ZNF536: variants seen among roughly 807,000 people sequenced by gnomAD.
ZNF536 encodes the protein zinc finger protein 536.
Under a neutral mutation model 84.5 loss-of-function variants are expected in ZNF536, and 13 were observed. The ratio of observed to expected loss-of-function variants is 0.15; its 90% CI spans 0.10 to 0.24. ZNF536 has a LOEUF of 0.24. Among genes scored for constraint, ZNF536 ranks in the 10% least tolerant of loss-of-function variants. The pLI is 1.00. For synonymous variants in ZNF536, 811 were observed against 742.5 expected (o/e 1.09, Z -1.50); for missense variants, 1,536 against 1,747.5 (o/e 0.88, Z 2.16).
chr19:30,658,922 A>G (rs2050017776), intron 1 of ZNF536, among the ~76,000 whole-genome samples: 1 of 152,262 alleles, frequency 6.6e-6, no homozygotes, highest in African/African-American at 2.4e-5. Flanking sequence ...GTTGTTAGGT[A>G]CATAAGTAAA....
chr19:30,415,499 T>A (rs184491935), intron 1 of ZNF536, among the ~76,000 whole-genome samples: 1 of 151,714 alleles, frequency 6.6e-6, no homozygotes, highest in Non-Finnish European at 1.5e-5. Flanking sequence ...TTTCCAGAAA[T>A]TTTCCCATCA....
At chr19:30,294,500 A>G (rs2045936809) in intron 2 of ZNF536, among the ~76,000 whole-genome samples, 1 of 151,912 alleles carries the variant, frequency 6.6e-6, no homozygotes. Flanking sequence ...AGTATGGCAT[A>G]TGTGGGAATC....
At chr19:30,276,030 T>C (rs968241178) in intron 1 of ZNF536, among the ~76,000 whole-genome samples, 1 of 152,096 alleles carries the variant, frequency 6.6e-6, no homozygotes, top group African/African-American at 2.4e-5. Context: ...GAATTAATTG[T>C]AGGTTTGGGG....
At chr19:30,285,369 A>G (rs1268706687) in intron 2 of ZNF536, among the ~76,000 whole-genome samples, 3 of 152,196 alleles carry the variant, frequency 2.0e-5, no homozygotes, top group Non-Finnish European at 2.9e-5. Context: ...GTCAGGAGAA[A>G]GGTCCAACCA....
At chr19:30,525,272 G>C (rs2044526900) in intron 2 of ZNF536, among the ~76,000 whole-genome samples, 1 of 152,170 alleles carries the variant, frequency 6.6e-6, no homozygotes, top group South Asian at 2.1e-4. Context: ...TCCAACTCCA[G>C]CACCTGCATG....
chr19:30,651,613 A>G (rs545125046), intron 1 of ZNF536, among the ~76,000 whole-genome samples: 1 of 152,350 alleles, frequency 6.6e-6, no homozygotes, highest in Non-Finnish European at 1.5e-5. Context: ...AGACCCCAAA[A>G]GAAAACTTCC....
intron 1 of ZNF536, among the ~76,000 whole-genome samples, chr19:30,614,083 G>A (rs1477149285): frequency 2.0e-5 from 3 of 152,096 alleles, no homozygotes; most frequent in African/African-American, 7.2e-5. Flanking sequence ...GGCTAGTCTC[G>A]AACTCCTGAC....
chr19:30,353,606 G>A (rs968350265), intron 3 of ZNF536, among the ~76,000 whole-genome samples: 1 of 152,084 alleles, frequency 6.6e-6, no homozygotes, highest in Non-Finnish European at 1.5e-5. Flanking sequence ...TCCGGGCCCC[G>A]GGCTTCCAGA....
intron 1 of ZNF536, among the ~76,000 whole-genome samples, chr19:30,684,927 C>A (rs536392274): frequency 6.6e-6 from 1 of 152,230 alleles, no homozygotes; most frequent in African/African-American, 2.4e-5. Context: ...CCTACTGGGG[C>A]CACTTATGTT....
intron 1 of ZNF536, among the ~76,000 whole-genome samples, chr19:30,665,926 G>A (rs1371700545): frequency 6.6e-6 from 1 of 152,200 alleles, no homozygotes; most frequent in Non-Finnish European, 1.5e-5. Context: ...TGCATGGACA[G>A]GTGATTCCTG....
At chr19:30,499,509 T>C (rs1460342409) in intron 2 of ZNF536, among the ~76,000 whole-genome samples, 1 of 152,252 alleles carries the variant, frequency 6.6e-6, no homozygotes, top group Non-Finnish European at 1.5e-5. Context: ...TGTATCTGTC[T>C]ATGTATCCAT....
At chr19:30,273,620 G>A (rs1020696089) in intron 1 of ZNF536, among the ~76,000 whole-genome samples, 11 of 152,026 alleles carry the variant, frequency 7.2e-5, no homozygotes, top group Non-Finnish European at 1.3e-4. Context: ...AGAGTTCTTC[G>A]CATATTTCAG....
chr19:30,450,987 G>A lies in ZNF536; in HGVS notation c.2170+5255G>A, dbSNP rs905216914. On this transcript the variant is annotated intron_variant, in intron 2 of 4. Coordinates refer to ENST00000355537, the MANE Select transcript of ZNF536 (RefSeq NM_014717.3). ...GCCCTTCGGTCTCTGCCGTGGAAGC[G>A]TGTGCAGGCGGCCGCCGTGTTTGCG... 5.0e-4 allele frequency among the ~76,000 whole-genome samples: 76 copies of A among 152,388 alleles called. 3 individuals carry two copies. Among genetic ancestry groups the A allele is most frequent in the Admixed American group, 4.2e-3 (65 of 15,312 alleles).
chr19:30,648,532 G>C (rs1275274837), intron 1 of ZNF536, among the ~76,000 whole-genome samples: 1 of 152,152 alleles, frequency 6.6e-6, no homozygotes, highest in Admixed American at 6.5e-5. Context: ...GCCTTCTGCA[G>C]GACAGCAACT....
chr19:30,305,142 G>A (rs984795182), intron 2 of ZNF536, among the ~76,000 whole-genome samples: 1 of 152,180 alleles, frequency 6.6e-6, no homozygotes, highest in Non-Finnish European at 1.5e-5. Flanking sequence ...TCTTGTCTGG[G>A]CCTTGGTTTT....
At chr19:30,231,843 G>A (rs780810709) in intron 1 of ZNF536, among the ~76,000 whole-genome samples, 8 of 152,034 alleles carry the variant, frequency 5.3e-5, no homozygotes, top group Non-Finnish European at 1.0e-4. Context: ...TGTGTGCTGG[G>A]GAAGGGTGCT....
At chr19:30,583,533 C>A (rs990447141) in intron 1 of ZNF536, among the ~76,000 whole-genome samples, 10 of 152,184 alleles carry the variant, frequency 6.6e-5, no homozygotes, top group Non-Finnish European at 1.2e-4. Flanking sequence ...TCCTGGCCTG[C>A]AGCTCCACCC....
At chr19:30,406,693 C>T (rs1169497376) in intron 1 of ZNF536, among the ~76,000 whole-genome samples, 1 of 152,122 alleles carries the variant, frequency 6.6e-6, no homozygotes, top group East Asian at 1.9e-4. Context: ...AGCTTGGTGC[C>T]TGACACAGAG....
intron 1 of ZNF536, among the ~76,000 whole-genome samples, chr19:30,236,002 C>T (rs1169125799): frequency 2.0e-5 from 3 of 152,232 alleles, no homozygotes; most frequent in Non-Finnish European, 4.4e-5. Flanking sequence ...ACTTTATTCC[C>T]CAACGTTTCC....
Sources: gnomAD v4.1 joint callset for allele counts (sites outside exome capture counted in the v4.1 genomes callset) on GRCh38, gnomAD v4.1.1 for gene constraint, MANE v1.5 for transcripts, NCBI Gene and HGNC (gene_info 2026-07-23, HGNC 2026-07-21) for gene names.